SFI1: variants seen among roughly 807,000 people sequenced by gnomAD.
SFI1 encodes SFI1 centrin binding protein, also known as protein SFI1 homolog.
Under a neutral mutation model 207.5 loss-of-function variants are expected in SFI1, and 195 were observed. That is an observed-to-expected ratio of 0.94 (90% CI 0.84 to 1.06). The LOEUF is 1.06. SFI1 is among the 50% of genes least tolerant of loss of function. The probability of loss-of-function intolerance (pLI) is 0.00; values close to 1 mark genes in which losing one functional copy is unlikely to be tolerated. For synonymous variants in SFI1, 630 were observed against 598.9 expected, an observed-to-expected ratio of 1.05 and a Z score of -0.76; for missense variants, 1,634 against 1,588.0, an observed-to-expected ratio of 1.03 and a Z score of -0.49.
chr22:31,504,300 A>G (rs2054285327), intron 1 of SFI1, among the ~76,000 whole-genome samples: 1 of 152,220 alleles, frequency 6.6e-6, no homozygotes, highest in Non-Finnish European at 1.5e-5. Flanking sequence ...ATAATCACTT[A>G]TGATGACCTC....
chr22:31,604,928 C>T lies in SFI1; in HGVS notation c.2037C>T (p.His679=), dbSNP rs1569450263. 6.2e-7 allele frequency: 1 copy of T among 1,610,286 alleles called. No individual in the cohort carries two copies. The highest frequency in any genetic ancestry group is 8.5e-7 in the Non-Finnish European group (1 of 1,178,216). Residue 679 remains histidine (H), a synonymous_variant, in exon 20 of 33, where the codon CAC becomes CAT. Coordinates refer to ENST00000400288, the MANE Select transcript of SFI1 (RefSeq NM_001007467.3). ...LREVAARESQ[H]NRQLLRGALR... is the part of the protein sequence containing the mutation. ...AGGTGGCAGCCAGGGAGAGCCAGCA[C>T]AACAGGCAGCTGCTGCGGTGAGTCT...
chr22:31,606,491 C>A lies in SFI1; in HGVS notation c.2157+61C>A. The A allele has an allele frequency of 7.8e-6, 11 of 1,405,510 alleles. 2 individuals carry two copies. In the South Asian group the frequency reaches 1.2e-4, roughly 15 times the overall value. The allele number at this position is 1,405,510 out of a possible 1,614,324, so 87.1% of individuals were successfully genotyped here. ...AGTTGGGACTGTGTTCTGGTGAGGG[C>A]GTGGGATGTAGGGGGTGGTGCCAGA... On this transcript the variant is annotated intron_variant, in intron 21 of 32. Coordinates refer to ENST00000400288, the MANE Select transcript of SFI1 (RefSeq NM_001007467.3).
intron 15 of SFI1, among the ~76,000 whole-genome samples, chr22:31,594,794 G>T (rs1421188922): frequency 7.1e-6 from 1 of 141,774 alleles, no homozygotes; most frequent in African/African-American, 2.6e-5. Flanking sequence ...GGCGGAGCTT[G>T]CAGTGAGCTG....
At chr22:31,568,228 T>A (rs130091) in intron 8 of SFI1, among the ~76,000 whole-genome samples, 9,558 of 122,366 alleles carry the variant, frequency 0.078, 467 homozygotes, top group African/African-American at 0.13. Flanking sequence ...ATATATATAT[T>A]TTTTTTTTTT....
In SFI1 at chr22:31,593,992, G is replaced by GGC. The variant is rs1569421712; in HGVS notation, c.1544+4415_1544+4416insGC. ...AGACCATGGGGAGACGGAGACGAGG[G>GGC]AGAGGGAGAGGGACAGGGAGAGGGA... On this transcript the variant is annotated intron_variant, in intron 15 of 32. Coordinates refer to ENST00000400288, the MANE Select transcript of SFI1 (RefSeq NM_001007467.3). Among the ~76,000 whole-genome samples, 291 of 72,508 alleles carry GGC rather than the reference G, an allele frequency of 4.0e-3. 1 individual carries two copies. Among genetic ancestry groups the GGC allele is most frequent in the African/African-American group, 0.013 (274 of 21,846 alleles). 47.6% of individuals were successfully genotyped at this position (72,508 alleles called of 152,430 possible).
intron 6 of SFI1, among the ~76,000 whole-genome samples, chr22:31,554,074 G>GCAGTTCT (rs2060923066): frequency 6.6e-6 from 1 of 151,508 alleles, no homozygotes; most frequent in African/African-American, 2.4e-5. Flanking sequence ...CTGGCCTCAA[G>GCAGTTCT]CAGTTCTCCC....
chr22:31,565,730 T>C (rs1307372553), intron 8 of SFI1, among the ~76,000 whole-genome samples: 1 of 152,090 alleles, frequency 6.6e-6, no homozygotes, highest in African/African-American at 2.4e-5. Flanking sequence ...GTAAATGGTA[T>C]GGCTTTGTGT....
intron 14 of SFI1, chr22:31,587,475 G>T: frequency 1.3e-5 from 1 of 79,692 alleles, no homozygotes; most frequent in Non-Finnish European, 2.7e-5. Context: ...GCTAATGTTT[G>T]TGTTTTGTTT....
chr22:31,608,117 G>C, intron 22 of SFI1, 84 bp downstream of exon 22: 2 of 1,068,492 alleles, frequency 1.9e-6, no homozygotes, highest in Non-Finnish European at 2.8e-6. Context: ...GCATAAGTCT[G>C]TCTCCTCCTC....
intron 14 of SFI1, among the ~76,000 whole-genome samples, chr22:31,589,214 G>C (rs1309228068): frequency 2.5e-4 from 2 of 7,910 alleles, no homozygotes; most frequent in Non-Finnish European, 9.7e-4. Flanking sequence ...GTGTGTGCGT[G>C]TGTGTGTGTG....
chr22:31,617,016 G>C lies in SFI1; in HGVS notation c.3450G>C (p.Glu1150Asp). 6.2e-7 allele frequency: 1 copy of C among 1,614,076 alleles called. No individual in the cohort carries two copies. The highest frequency in any genetic ancestry group is 8.5e-7 in the Non-Finnish European group (1 of 1,180,020). ...TCGCCATAGGCAGCCTGGACCTTGA[G>C]GCTGAACTTGAGGAGATCCAGCAGC... Reference protein sequence around the residue: ...GLSTAGSLDLEAELEEIQQQL... With the variant: ...GLSTAGSLDLDAELEEIQQQL... Residue 1150 changes from glutamate to aspartate, a missense_variant, in exon 31 of 33, where the codon GAG becomes GAC. Physicochemically the swap from Glu to Asp is conservative, Grantham distance 45 (BLOSUM62 2). Transcript: ENST00000400288.
At chr22:31,604,980 G>T in intron 20 of SFI1, 35 bp downstream of exon 20, 1 of 1,553,072 alleles carries the variant, frequency 6.4e-7, no homozygotes, top group Non-Finnish European at 8.7e-7. Context: ...GCTCCAGCTG[G>T]GGAACAAGGA....
chr22:31,555,312 A>T (rs571915326), intron 6 of SFI1, among the ~76,000 whole-genome samples: 32 of 152,086 alleles, frequency 2.1e-4, no homozygotes, highest in Non-Finnish European at 3.2e-4. Context: ...ACATGGCAAA[A>T]CCTCATCTCT....
intron 4 of SFI1, among the ~76,000 whole-genome samples, chr22:31,544,691 G>A (rs1199700086): frequency 6.6e-6 from 1 of 151,984 alleles, no homozygotes; most frequent in African/African-American, 2.4e-5. Flanking sequence ...GGATGTTAAG[G>A]CTGCAGTGAG....
At chr22:31,596,575 G>GA in intron 15 of SFI1, among the ~76,000 whole-genome samples, 1 of 151,998 alleles carries the variant, frequency 6.6e-6, no homozygotes, top group East Asian at 1.9e-4. Flanking sequence ...TGGATCACCT[G>GA]AGGTCAGAAG....
intron 4 of SFI1, among the ~76,000 whole-genome samples, chr22:31,541,960 G>A (rs1040147518): frequency 6.6e-6 from 1 of 151,124 alleles, no homozygotes; most frequent in Non-Finnish European, 1.5e-5. Context: ...AATTAGCTGG[G>A]CATGGTGGTG....
At chr22:31,579,417 G>A (rs942825355) in intron 11 of SFI1, among the ~76,000 whole-genome samples, 8 of 151,756 alleles carry the variant, frequency 5.3e-5, no homozygotes, top group Non-Finnish European at 1.2e-4. Context: ...CGGGGTTCAC[G>A]CCATTCTCCT....
At chr22:31,596,985 CTTCA>C (rs2067235791) in intron 15 of SFI1, among the ~76,000 whole-genome samples, 3 of 118,398 alleles carry the variant, frequency 2.5e-5, no homozygotes, top group African/African-American at 9.7e-5. Flanking sequence ...TTCTAAATGG[CTTCA>C]GTACTGAAGA....
At chr22:31,602,975 G>A (rs1400850108) in intron 17 of SFI1, among the ~76,000 whole-genome samples, 190 bp downstream of exon 17, 2 of 152,258 alleles carry the variant, frequency 1.3e-5, no homozygotes, top group Non-Finnish European at 2.9e-5. Flanking sequence ...GCTCACGCCT[G>A]TAATCCCAGC....
Sources: gnomAD v4.1 joint callset for allele counts (sites outside exome capture counted in the v4.1 genomes callset) on GRCh38, gnomAD v4.1.1 for gene constraint, MANE v1.5 for transcripts, NCBI Gene and HGNC (gene_info 2026-07-23, HGNC 2026-07-21) for gene names.